Variants in C9orf78 observed in about 807,000 individuals in gnomAD.
C9orf78 encodes chromosome 9 open reading frame 78.
In C9orf78, 19 loss-of-function variants were observed where a neutral mutation model predicts 37.4. The observed-to-expected ratio is 0.51, with a 90% CI of 0.35 to 0.74. The LOEUF (loss-of-function observed/expected upper bound fraction) is 0.74. Ranked by LOEUF, C9orf78 falls within the 30% of genes least tolerant of loss-of-function variation. The pLI is 0.01. For missense variants in C9orf78, 291 were observed against 370.8 expected, an observed-to-expected ratio of 0.78 and a Z score of 1.77; for synonymous variants, 130 against 128.0, an observed-to-expected ratio of 1.02 and a Z score of -0.10.
intron 6 of C9orf78, 72 bp from the exon 7 acceptor site, chr9:129,829,613 T>C (rs1297501906): frequency 2.2e-6 from 3 of 1,393,344 alleles, no homozygotes; most frequent in Non-Finnish European, 3.0e-6. Context: ...GTGGTGAGGC[T>C]GGCAGCCCAG....
At chr9:129,829,671 T>A (rs1435236144) in intron 6 of C9orf78, 130 bp from the exon 7 acceptor site, 8 of 739,324 alleles carry the variant, frequency 1.1e-5, no homozygotes, top group Non-Finnish European at 1.8e-5. Context: ...CTCCACTTTA[T>A]CAAGCACACT....
At chr9:129,832,714 C>T (rs1009739814) in intron 4 of C9orf78, among the ~76,000 whole-genome samples, 3 of 152,170 alleles carry the variant, frequency 2.0e-5, no homozygotes, top group African/African-American at 4.8e-5. Context: ...GCTGGCATTA[C>T]AGGCATGAGC....
chr9:129,830,566 T>C (rs2031467585), intron 6 of C9orf78: 2 of 353,284 alleles, frequency 5.7e-6, no homozygotes, highest in Non-Finnish European at 1.1e-5. Flanking sequence ...CAGACTGGAG[T>C]GCAGTGGCAT....
At chr9:129,831,719 C>A in intron 5 of C9orf78, 177 bp downstream of exon 5, 1 of 579,768 alleles carries the variant, frequency 1.7e-6, no homozygotes, top group East Asian at 3.0e-5. Flanking sequence ...CTACCGTGCC[C>A]GGCCTGAAAA....
Position 129,831,686 on chromosome 9 carries a change from A to T in C9orf78, c.344+210T>A, listed in dbSNP as rs2031500177. On this transcript the variant is annotated intron_variant, in intron 5 of 8. Coordinates refer to ENST00000372447, the MANE Select transcript of C9orf78 (RefSeq NM_016520.3). The stretch of plus-strand genomic sequence containing the variant: ...TGATCCACCTGCCTCGGCCTCCCAA[A>T]GTGCTGGGACTACAGGTGAGAGCTA... 4 of 504,214 alleles carry T rather than the reference A, an allele frequency of 7.9e-6. No individual in the cohort carries two copies. The South Asian group carries it at 9.2e-5, about 12-fold the overall frequency. 31.2% of individuals were successfully genotyped at this position (504,214 alleles called of 1,614,324 possible).
intron 4 of C9orf78, among the ~76,000 whole-genome samples, chr9:129,832,417 A>C (rs143291921): frequency 1.8e-4 from 27 of 152,284 alleles, no homozygotes; most frequent in Middle Eastern, 3.4e-3. Context: ...TTATTTTTTT[A>C]ATTTTTGAAT....
chr9:129,828,128 G>T lies in C9orf78; in HGVS notation c.*33C>A. 1 of 1,259,620 alleles carries T rather than the reference G, an allele frequency of 7.9e-7. No homozygotes were observed. Among genetic ancestry groups the T allele is most frequent in the East Asian group, 2.4e-5 (1 of 41,856 alleles). The allele number at this position is 1,259,620 out of a possible 1,614,324, so 78.0% of individuals were successfully genotyped here. ...TTTTCATGGGAGGGATATAGGGAGA[G>T]GAAGGCGATATTTACATCCCACTCT... On this transcript the variant is annotated 3_prime_UTR_variant, in exon 9 of 9. Coordinates refer to ENST00000372447, the MANE Select transcript of C9orf78 (RefSeq NM_016520.3).
At chr9:129,833,829 G>C in intron 2 of C9orf78, 120 bp from the exon 3 acceptor site, 1 of 680,496 alleles carries the variant, frequency 1.5e-6, no homozygotes, top group Non-Finnish European at 2.6e-6. Flanking sequence ...GATTTGAGGG[G>C]TGGGTAGGCA....
At chr9:129,830,625 G>T in intron 6 of C9orf78, 2 of 458,818 alleles carry the variant, frequency 4.4e-6, no homozygotes, top group Non-Finnish European at 8.0e-6. Flanking sequence ...GCAATTTCCT[G>T]CCTCAGCCTC....
At position 129,829,265 on chromosome 9, in the gene C9orf78, T is replaced by A. The variant is rs1226623608; in HGVS notation, c.718A>T (p.Lys240Ter). Reference sequence around the variant, plus strand: ...AAGGGCCGGGCCTTGGGCTCTTCTTTGTTTCTCCGTATGGGCGCGTTGAGC... The same window carrying A: ...AAGGGCCGGGCCTTGGGCTCTTCTTAGTTTCTCCGTATGGGCGCGTTGAGC... ...EELNAPIRRN[K>*]EEPKARPLRV... The change falls in exon 8 of 9, where the codon AAA (lysine) becomes TAA (stop). Residue 240 changes from lysine (K) to a stop codon, truncating the protein, a stop_gained. Transcript: ENST00000372447. LOFTEE classifies it high-confidence loss of function. The A allele has an allele frequency of 6.2e-7, 1 of 1,612,258 alleles. No homozygotes were observed. Among genetic ancestry groups the A allele is most frequent in the East Asian group, 2.2e-5 (1 of 44,880 alleles).
At position 129,827,439 on chromosome 9, in the gene C9orf78, G is replaced by C; in HGVS notation, c.*722C>G. 1 of 151,874 alleles carries C rather than the reference G, an allele frequency of 6.6e-6. No homozygotes were observed. Among genetic ancestry groups the C allele is most frequent in the East Asian group, 1.9e-4 (1 of 5,188 alleles). 9.4% of individuals were successfully genotyped at this position (151,874 alleles called of 1,614,324 possible). A position where few individuals can be genotyped will look rare whatever the true frequency, so the allele number is the denominator to read the frequency against. On this transcript the variant is annotated 3_prime_UTR_variant, in exon 9 of 9. Transcript: ENST00000372447. ...ATCCTGGATTTTTCTGTCAGCTGGA[G>C]GATGCATTTCTGACCCCATCCCAGA...
At chr9:129,831,116 C>A in intron 5 of C9orf78, 48 bp from the exon 6 acceptor site, 1 of 1,181,362 alleles carries the variant, frequency 8.5e-7, no homozygotes. Flanking sequence ...GAAACACACA[C>A]CAGGTGTCCT....
In C9orf78 at chr9:129,834,668, G is replaced by GTCCCCGCCGCCTCCTCCTCC. The variant is rs2031644567; in HGVS notation, c.143+19_143+38dup. On this transcript the variant is annotated intron_variant, in intron 2 of 8. Coordinates refer to ENST00000372447, the MANE Select transcript of C9orf78 (RefSeq NM_016520.3). ...CGACCCGGACGCGGATGTGTCTGTC[G>GTCCCCGCCGCCTCCTCCTCC]TCCCCGCCGCCTCCTCCTCCTCCCC... is the stretch of plus-strand genomic sequence containing the variant. 9 of 1,496,790 alleles carry GTCCCCGCCGCCTCCTCCTCC rather than the reference G, an allele frequency of 6.0e-6. No individual in the cohort carries two copies. The South Asian group carries it at 9.1e-5, about 15-fold the overall frequency. 92.7% of individuals were successfully genotyped at this position (1,496,790 alleles called of 1,614,324 possible).
chr9:129,827,883 T>A lies in C9orf78; in HGVS notation c.*278A>T. 1 of 197,518 alleles carries A rather than the reference T, an allele frequency of 5.1e-6. No individual in the cohort carries two copies. Among genetic ancestry groups the A allele is most frequent in the South Asian group, 7.2e-5 (1 of 13,944 alleles). 12.2% of individuals were successfully genotyped at this position (197,518 alleles called of 1,614,324 possible). A position where few individuals can be genotyped will look rare whatever the true frequency, so the allele number is the denominator to read the frequency against. ...TCGGCTCACCACAACCTCCGCCTCT[T>A]GGGTTCAAGCAATTCTCCTGCCTCA... is the stretch of plus-strand genomic sequence containing the variant. On this transcript the variant is annotated 3_prime_UTR_variant, in exon 9 of 9. Transcript: ENST00000372447.
intron 5 of C9orf78, chr9:129,831,281 T>C (rs2031489268): frequency 1.7e-6 from 1 of 572,822 alleles, no homozygotes; most frequent in Non-Finnish European, 3.1e-6. Context: ...GGTGTTATGA[T>C]GTACAAGGTT....
intron 4 of C9orf78, 104 bp downstream of exon 4, chr9:129,833,343 G>A (rs2031559323): frequency 1.4e-6 from 1 of 708,378 alleles, no homozygotes; most frequent in Non-Finnish European, 2.6e-6. Context: ...CCTGCTTCAA[G>A]ATGTCCTACT....
chr9:129,832,349 A>C (rs1198119059), intron 4 of C9orf78, among the ~76,000 whole-genome samples: 1 of 151,768 alleles, frequency 6.6e-6, no homozygotes, highest in Non-Finnish European at 1.5e-5. Context: ...TAGATTACTT[A>C]TAATACCAAA....
At chr9:129,833,067 ATG>A (rs3054828) in intron 4 of C9orf78, among the ~76,000 whole-genome samples, 6,623 of 139,764 alleles carry the variant, frequency 0.047, 504 homozygotes, top group African/African-American at 0.16. Flanking sequence ...GTGTGTACAT[ATG>A]TGTGTGTGTG....
At chr9:129,834,796 T>C in intron 1 of C9orf78, 30 bp from the exon 2 acceptor site, 2 of 1,530,822 alleles carry the variant, frequency 1.3e-6, no homozygotes, top group East Asian at 2.2e-5. Flanking sequence ...CAGCAATGCA[T>C]AAGCTGAGTG....
Sources: gnomAD v4.1 joint callset for allele counts (sites outside exome capture counted in the v4.1 genomes callset) on GRCh38, gnomAD v4.1.1 for gene constraint, MANE v1.5 for transcripts, NCBI Gene and HGNC (gene_info 2026-07-23, HGNC 2026-07-21) for gene names.